The following ADAMTS12 variants were observed in gnomAD, a reference collection of about 807,000 sequenced individuals.
ADAMTS12 encodes the protein ADAM metallopeptidase with thrombospondin type 1 motif 12.
Under a neutral mutation model 167.8 loss-of-function variants are expected in ADAMTS12, and 118 were observed. That is an observed-to-expected ratio of 0.70 (90% confidence interval 0.61 to 0.82). ADAMTS12 has a LOEUF of 0.82. Ranked by LOEUF, ADAMTS12 falls within the 40% of genes least tolerant of loss-of-function variation. The pLI is 0.00. For synonymous variants in ADAMTS12, 704 were observed against 716.9 expected (o/e 0.98, Z 0.29); for missense variants, 1,916 against 1,998.8 (o/e 0.96, Z 0.79).
Position 33,637,563 on chromosome 5 carries a change from T to C in ADAMTS12, c.1888+14A>G. ...TGTTCCCTAGATCTGAGATACACCATTACAGCTCCTTACCTGGGTTAAAAA... is the reference window on the plus strand; with the variant it reads ...TGTTCCCTAGATCTGAGATACACCACTACAGCTCCTTACCTGGGTTAAAAA... On this transcript the variant is annotated intron_variant, in intron 12 of 23. Transcript: ENST00000504830. 6.2e-7 allele frequency: 1 copy of C among 1,611,218 alleles called. No homozygotes were observed. Among genetic ancestry groups the C allele is most frequent in the Non-Finnish European group, 8.5e-7 (1 of 1,178,266 alleles).
intron 5 of ADAMTS12, among the ~76,000 whole-genome samples, chr5:33,676,707 C>CACAGAGAGAGAGAG (rs879440613): frequency 2.4e-4 from 36 of 149,118 alleles, no homozygotes; most frequent in African/African-American, 8.8e-4. Flanking sequence ...CACACACACA[C>CACAGAGAGAGAGAG]AGAGAGAGAG....
chr5:33,858,198 C>T (rs776820095), intron 2 of ADAMTS12, among the ~76,000 whole-genome samples: 16 of 152,306 alleles, frequency 1.1e-4, no homozygotes, highest in Non-Finnish European at 1.3e-4. Context: ...CCTCCAAGCA[C>T]TTGCAAACTA....
intron 13 of ADAMTS12, among the ~76,000 whole-genome samples, chr5:33,627,625 T>TCATTCCAAAAAGAAGTGCTATAGAA (rs1338914383): frequency 6.6e-6 from 1 of 152,110 alleles, no homozygotes; most frequent in Non-Finnish European, 1.5e-5. Context: ...GGTTTTAGCA[T>TCATTCCAAAAAGAAGTGCTATAGAA]CATTCCAAAA....
chr5:33,718,962 C>CA (rs1270120618), intron 3 of ADAMTS12, among the ~76,000 whole-genome samples: 3 of 152,124 alleles, frequency 2.0e-5, no homozygotes, highest in Non-Finnish European at 4.4e-5. Context: ...TCAGGAGTGG[C>CA]AAAAGTAAGA....
intron 3 of ADAMTS12, among the ~76,000 whole-genome samples, chr5:33,736,070 C>CT (rs537654731): frequency 0.014 from 1,896 of 134,802 alleles, 58 homozygotes; most frequent in Admixed American, 0.081. Context: ...TTTTTTTTTT[C>CT]TTTTTTTTTG....
chr5:33,605,918 T>G (rs754742249), intron 16 of ADAMTS12, among the ~76,000 whole-genome samples: 49 of 151,868 alleles, frequency 3.2e-4, no homozygotes, highest in South Asian at 1.5e-3. Context: ...AGCTGGGATT[T>G]AAATCTGAAC....
At chr5:33,809,997 AAAAAC>A (rs1361896744) in intron 2 of ADAMTS12, among the ~76,000 whole-genome samples, 5 of 143,322 alleles carry the variant, frequency 3.5e-5, no homozygotes, top group African/African-American at 1.2e-4. Flanking sequence ...AAAAAAAAAA[AAAAAC>A]AGATTAGAAG....
chr5:33,666,330 C>T (rs1291289001), intron 5 of ADAMTS12, among the ~76,000 whole-genome samples: 1 of 152,214 alleles, frequency 6.6e-6, no homozygotes, highest in African/African-American at 2.4e-5. Flanking sequence ...CACCTGGCAA[C>T]CTTCATTTAC....
intron 3 of ADAMTS12, among the ~76,000 whole-genome samples, chr5:33,737,333 T>C (rs1482795127): frequency 6.6e-6 from 1 of 152,202 alleles, no homozygotes; most frequent in East Asian, 1.9e-4. Context: ...TCTGAAATGC[T>C]TGTGAGGCCA....
chr5:33,868,007 A>G (rs1173735786), intron 2 of ADAMTS12, among the ~76,000 whole-genome samples: 1 of 151,856 alleles, frequency 6.6e-6, no homozygotes, highest in East Asian at 1.9e-4. Flanking sequence ...CTCTCCCTCC[A>G]TTCTCTTTCC....
chr5:33,743,370 C>A (rs1424294675), intron 3 of ADAMTS12, among the ~76,000 whole-genome samples: 2 of 152,194 alleles, frequency 1.3e-5, no homozygotes, highest in African/African-American at 4.8e-5. Context: ...TCCCCCTGCC[C>A]ACAGGAAACT....
chr5:33,611,070 C>G (rs960660476), intron 16 of ADAMTS12, among the ~76,000 whole-genome samples: 1 of 151,892 alleles, frequency 6.6e-6, no homozygotes, highest in African/African-American at 2.4e-5. Flanking sequence ...ACTAGAGCTA[C>G]TTTAATCAAT....
intron 3 of ADAMTS12, among the ~76,000 whole-genome samples, chr5:33,750,377 G>T (rs997424936): frequency 6.6e-6 from 1 of 152,202 alleles, no homozygotes; most frequent in African/African-American, 2.4e-5. Flanking sequence ...CAGGGAAGTT[G>T]CTATCTGGCA....
intron 3 of ADAMTS12, among the ~76,000 whole-genome samples, chr5:33,728,443 C>G (rs1159283566): frequency 1.3e-5 from 2 of 152,166 alleles, no homozygotes; most frequent in East Asian, 3.9e-4. Flanking sequence ...GAATCAGCCT[C>G]TTAACTCTGC....
intron 23 of ADAMTS12, among the ~76,000 whole-genome samples, chr5:33,530,385 G>C (rs970228132): frequency 6.6e-6 from 1 of 152,226 alleles, no homozygotes; most frequent in Non-Finnish European, 1.5e-5. Context: ...GCCATGCACT[G>C]TGTGCACTGC....
chr5:33,579,510 A>G (rs1579697916), intron 18 of ADAMTS12, among the ~76,000 whole-genome samples: 1 of 152,096 alleles, frequency 6.6e-6, no homozygotes, highest in South Asian at 2.1e-4. Flanking sequence ...TGTTGCTAAT[A>G]TCTCTAAAGA....
chr5:33,641,177 A>T (rs1488523888), intron 11 of ADAMTS12, among the ~76,000 whole-genome samples: 1 of 152,120 alleles, frequency 6.6e-6, no homozygotes, highest in African/African-American at 2.4e-5. Flanking sequence ...AATTTACCTC[A>T]TATATAATAT....
rs17665461 is a variant in ADAMTS12 at position 33,605,147 on chromosome 5, C to T, written c.2528-9087G>A. Among the ~76,000 whole-genome samples the T allele has an allele frequency of 0.024, 3,587 of 152,270 alleles. 244 individuals are homozygous for T. The East Asian group carries it at 0.25, about 11-fold the overall frequency. ...CCCAACGGAGCACAGAGAGTGTTAC[C>T]TTTCAGTCTTCCCTATGCTCAAATC... On this transcript the variant is annotated intron_variant, in intron 16 of 23. Transcript: ENST00000504830.
At chr5:33,530,753 C>G (rs997706634) in intron 23 of ADAMTS12, among the ~76,000 whole-genome samples, 2 of 152,200 alleles carry the variant, frequency 1.3e-5, no homozygotes, top group Non-Finnish European at 2.9e-5. Flanking sequence ...CATACTCTCT[C>G]TTGACCTGCT....
Sources: gnomAD v4.1 joint callset for allele counts (sites outside exome capture counted in the v4.1 genomes callset) on GRCh38, gnomAD v4.1.1 for gene constraint, MANE v1.5 for transcripts, NCBI Gene and HGNC (gene_info 2026-07-23, HGNC 2026-07-21) for gene names.